The following ANKRD44 variants were observed in gnomAD, a reference collection of about 807,000 sequenced individuals.
The protein encoded by ANKRD44 is serine/threonine-protein phosphatase 6 regulatory ankyrin repeat subunit B.
In ANKRD44, 35 loss-of-function variants were observed where a neutral mutation model predicts 116.0. The observed-to-expected ratio is 0.30, with a 90% CI of 0.23 to 0.40. The LOEUF is 0.40. Among genes scored for constraint, ANKRD44 ranks in the 10% least tolerant of loss-of-function variants. The pLI is 1.00. For missense variants in ANKRD44, 1,014 were observed against 1,242.6 expected, an observed-to-expected ratio of 0.82 and a Z score of 2.77; for synonymous variants, 435 against 461.8, an observed-to-expected ratio of 0.94 and a Z score of 0.74.
intron 2 of ANKRD44, among the ~76,000 whole-genome samples, chr2:197,180,006 C>T (rs2080464277): frequency 6.6e-6 from 1 of 152,026 alleles, no homozygotes; most frequent in African/African-American, 2.4e-5. Context: ...CACCTACCCT[C>T]AAGACAAAAA....
At chr2:197,282,656 C>T (rs981501784) in intron 1 of ANKRD44, among the ~76,000 whole-genome samples, 1 of 152,028 alleles carries the variant, frequency 6.6e-6, no homozygotes, top group South Asian at 2.1e-4. Context: ...GTTCTTTATA[C>T]TAAAAACTTT....
chr2:197,175,601 T>C (rs2080345857), intron 2 of ANKRD44, among the ~76,000 whole-genome samples: 1 of 152,192 alleles, frequency 6.6e-6, no homozygotes, highest in Admixed American at 6.5e-5. Context: ...CATGGTATCA[T>C]GTTCTGTTCC....
intron 1 of ANKRD44, among the ~76,000 whole-genome samples, chr2:197,197,809 C>CAAAAAAAAAA (rs199994103): frequency 4.4e-5 from 5 of 114,164 alleles, no homozygotes; most frequent in Admixed American, 9.2e-5. Flanking sequence ...AATCCTGTCT[C>CAAAAAAAAAA]AAAAAAAAAA....
chr2:197,290,198 C>G (rs1211303604), intron 1 of ANKRD44, among the ~76,000 whole-genome samples: 1 of 151,682 alleles, frequency 6.6e-6, no homozygotes, highest in African/African-American at 2.4e-5. Context: ...CCAGGTTGTA[C>G]TAATTTACAT....
At chr2:197,231,150 T>C (rs2081852147) in intron 1 of ANKRD44, among the ~76,000 whole-genome samples, 1 of 152,134 alleles carries the variant, frequency 6.6e-6, no homozygotes, top group Admixed American at 6.5e-5. Context: ...GGGCTGGGCG[T>C]GATGGCTTAT....
chr2:197,267,877 T>C (rs1318141), intron 1 of ANKRD44, among the ~76,000 whole-genome samples: 1 of 151,986 alleles, frequency 6.6e-6, no homozygotes, highest in African/African-American at 2.4e-5. Context: ...AGAATCAGGG[T>C]CAAGGTAGAA....
intron 23 of ANKRD44, among the ~76,000 whole-genome samples, chr2:196,999,563 C>T (rs192484045): frequency 4.8e-4 from 67 of 138,450 alleles, no homozygotes; most frequent in African/African-American, 1.2e-3. Context: ...TGTACAGACA[C>T]TTATTTATTT....
At chr2:197,011,595 C>T (rs1392902754) in intron 18 of ANKRD44, among the ~76,000 whole-genome samples, 1 of 151,852 alleles carries the variant, frequency 6.6e-6, no homozygotes, top group Non-Finnish European at 1.5e-5. Flanking sequence ...GCTTCAGCCT[C>T]CCGAGTAGCT....
chr2:196,976,553 T>C (rs969675684), intron 21 of ANKRD44, among the ~76,000 whole-genome samples: 5 of 152,198 alleles, frequency 3.3e-5, no homozygotes, highest in Admixed American at 6.5e-5. Context: ...TGTAGAAAAT[T>C]TTTCTTACAT....
intron 1 of ANKRD44, among the ~76,000 whole-genome samples, chr2:197,303,474 T>C (rs1178977849): frequency 6.6e-6 from 1 of 152,076 alleles, no homozygotes; most frequent in Non-Finnish European, 1.5e-5. Context: ...ATTTTTTAAA[T>C]AAAAAAAGCA....
At chr2:197,189,340 T>G (rs1230135460) in intron 1 of ANKRD44, among the ~76,000 whole-genome samples, 1 of 152,194 alleles carries the variant, frequency 6.6e-6, no homozygotes, top group Non-Finnish European at 1.5e-5. Context: ...ACAAGGTGTA[T>G]GGATAGTTTC....
intron 1 of ANKRD44, among the ~76,000 whole-genome samples, chr2:197,268,884 T>A (rs1253335791): frequency 6.6e-6 from 1 of 152,202 alleles, no homozygotes; most frequent in African/African-American, 2.4e-5. Flanking sequence ...TTTTTTTAAA[T>A]TGTAATGATC....
At chr2:196,979,498 G>T (rs1414416827) in intron 21 of ANKRD44, among the ~76,000 whole-genome samples, 1 of 146,864 alleles carries the variant, frequency 6.8e-6, no homozygotes, top group African/African-American at 2.5e-5. Context: ...GTGAGCATCA[G>T]CTATTTTTAC....
At chr2:197,113,830 T>C (rs937866019) in intron 8 of ANKRD44, among the ~76,000 whole-genome samples, 6 of 152,208 alleles carry the variant, frequency 3.9e-5, no homozygotes, top group East Asian at 3.8e-4. Flanking sequence ...TCTTTGCAGA[T>C]CTTTGCCTGG....
chr2:196,983,858 C>A (rs147788775), downstream of ANKRD44, among the ~76,000 whole-genome samples: 5 of 152,314 alleles, frequency 3.3e-5, no homozygotes, highest in Admixed American at 6.5e-5. Context: ...GAGTTCCCCC[C>A]ACTGGGAAAG....
chr2:197,065,020 G>A (rs545317867), intron 16 of ANKRD44, among the ~76,000 whole-genome samples: 17 of 152,146 alleles, frequency 1.1e-4, no homozygotes, highest in South Asian at 4.1e-4. Context: ...GCACCACATC[G>A]CACTTATTCC....
chr2:197,110,837 T>C lies in ANKRD44; in HGVS notation c.914A>G (p.Asp305Gly), dbSNP rs1222098917. 4 of 1,613,742 alleles carry C rather than the reference T, an allele frequency of 2.5e-6. No individual in the cohort carries two copies. Among genetic ancestry groups the C allele is most frequent in the African/African-American group, 1.3e-5 (1 of 74,886 alleles). Residue 305 changes from aspartate (D) to glycine (G), a missense_variant, in exon 9 of 28, where the codon GAT (aspartate) becomes GGT (glycine). Asp to Gly is a moderately conservative substitution (Grantham distance 94, BLOSUM62 -1). Coordinates refer to ENST00000282272, the MANE Select transcript of ANKRD44 (RefSeq NM_001195144.2). Reference sequence around the variant, plus strand: ...TGTCATGTGCAGTGGACTTTTGCCATCTTTACTCTAAAAAAAAGAGAGGGA... The same window carrying C: ...TGTCATGTGCAGTGGACTTTTGCCACCTTTACTCTAAAAAAAAGAGAGGGA... ...NGADVNIQSK[D>G]GKSPLHMTAV...
chr2:197,091,317 G>A (rs1048433288), intron 10 of ANKRD44, among the ~76,000 whole-genome samples: 5 of 152,198 alleles, frequency 3.3e-5, no homozygotes, highest in African/African-American at 4.8e-5. Context: ...TTGCTCAGGC[G>A]TTCCTTCCAG....
At chr2:197,240,580 C>T (rs978550099) in intron 1 of ANKRD44, among the ~76,000 whole-genome samples, 5 of 151,080 alleles carry the variant, frequency 3.3e-5, no homozygotes, top group African/African-American at 1.2e-4. Context: ...AGAAAACCTC[C>T]ACAAAATTGC....
Sources: gnomAD v4.1 joint callset for allele counts (sites outside exome capture counted in the v4.1 genomes callset) on GRCh38, gnomAD v4.1.1 for gene constraint, MANE v1.5 for transcripts, NCBI Gene and HGNC (gene_info 2026-07-23, HGNC 2026-07-21) for gene names.